The following KCNK12 variants were observed in gnomAD, a reference collection of about 807,000 sequenced individuals.
The protein encoded by KCNK12 is potassium two pore domain channel subfamily K member 12.
In KCNK12, 6 loss-of-function variants were observed where a neutral mutation model predicts 25.3. The ratio of observed to expected loss-of-function variants is 0.24; its 90% CI spans 0.13 to 0.47. The LOEUF is 0.47. Among genes scored for constraint, KCNK12 ranks in the 20% least tolerant of loss-of-function variants. KCNK12 has a pLI of 0.99. For synonymous variants in KCNK12, 331 were observed against 311.1 expected, an observed-to-expected ratio of 1.06 and a Z score of -0.67; for missense variants, 444 against 661.7, an observed-to-expected ratio of 0.67 and a Z score of 3.61.
rs1188029145 is a variant in KCNK12 at position 47,556,334 on chromosome 2, T to C, written c.391+13607A>G. On this transcript the variant is annotated intron_variant, in intron 1 of 1. Coordinates refer to ENST00000327876, the MANE Select transcript of KCNK12 (RefSeq NM_022055.2). The surrounding 1 kb of genome is among the most constrained non-coding windows in gnomAD (Gnocchi z 4.8). ...CCACAGGAGAGAAAGCAGCTCCACA[T>C]GGTGGGTGGATTTAGGGGTGTGAAG... Among the ~76,000 whole-genome samples the C allele has an allele frequency of 6.6e-6, 1 of 152,126 alleles. No homozygotes were observed. Among genetic ancestry groups the C allele is most frequent in the East Asian group, 1.9e-4 (1 of 5,198 alleles).
rs572985615 is a variant in KCNK12 at position 47,556,524 on chromosome 2, T to G, written c.391+13417A>C. 1.0e-3 allele frequency among the ~76,000 whole-genome samples: 156 copies of G among 152,232 alleles called. No homozygotes were observed. In the Middle Eastern group the frequency reaches 0.02, roughly 20 times the overall value. Reference sequence around the variant, plus strand: ...GTGCTGCCAGTGTGGAGTGTCCAGCTGGTACTCAGGGTCACCAATTTAAAG... The same window carrying G: ...GTGCTGCCAGTGTGGAGTGTCCAGCGGGTACTCAGGGTCACCAATTTAAAG... On this transcript the variant is annotated intron_variant, in intron 1 of 1. Transcript: ENST00000327876. This position sits in a 1 kb window ranked among gnomAD's most constrained non-coding sequence, Gnocchi z 4.8.
chr2:47,521,334 C>T lies in KCNK12; in HGVS notation c.866G>A (p.Cys289Tyr), dbSNP rs745537617. Residue 289 changes from cysteine (C) to tyrosine (Y), a missense_variant, in exon 2 of 2, where the codon TGC (cysteine) becomes TAC (tyrosine). Transcript: ENST00000327876. ...GNFLFILLGV[C>Y]CIYSLFNVIS... The stretch of plus-strand genomic sequence containing the variant: ...GACGTTGAAGAGCGAGTAAATGCAG[C>T]ACACGCCGAGCAGGATGAAGAGGAA... 6.2e-7 allele frequency: 1 copy of T among 1,613,676 alleles called. No individual in the cohort carries two copies. Among genetic ancestry groups the T allele is most frequent in the South Asian group, 1.1e-5 (1 of 90,950 alleles).
At chr2:47,553,413 G>A (rs1669481465) in intron 1 of KCNK12, among the ~76,000 whole-genome samples, 1 of 152,028 alleles carries the variant, frequency 6.6e-6, no homozygotes, top group Non-Finnish European at 1.5e-5. Context: ...TTTTGGTGGG[G>A]TGGGGGGGCA....
chr2:47,549,755 G>A lies in KCNK12; in HGVS notation c.391+20186C>T, dbSNP rs189027420. ...TCGAGACCAGCCTGGCCAAAATGGT[G>A]AAACCCCGTCTCTACTAAAAATACA... On this transcript the variant is annotated intron_variant, in intron 1 of 1. Transcript: ENST00000327876. Among the ~76,000 whole-genome samples the A allele has an allele frequency of 5.4e-3, 825 of 152,226 alleles. 7 individuals carry two copies. Among genetic ancestry groups the A allele is most frequent in the African/African-American group, 0.019 (779 of 41,536 alleles).
Position 47,540,403 on chromosome 2 carries a change from G to A in KCNK12, c.392-18595C>T, listed in dbSNP as rs987115515. Among the ~76,000 whole-genome samples, 5 of 152,114 alleles carry A rather than the reference G, an allele frequency of 3.3e-5. No homozygotes were observed. The highest frequency in any genetic ancestry group is 6.5e-5 in the Admixed American group (1 of 15,280). On this transcript the variant is annotated intron_variant, in intron 1 of 1. Coordinates refer to ENST00000327876, the MANE Select transcript of KCNK12 (RefSeq NM_022055.2). The surrounding 1 kb of genome is among the most constrained non-coding windows in gnomAD (Gnocchi z 5.4). ...CTGCTCAGGGTTTGAATGAGACCCC[G>A]GTAACCGCAGCAGTAAAGACCCCTC... is the stretch of plus-strand genomic sequence containing the variant.
At position 47,533,244 on chromosome 2, in the gene KCNK12, C is replaced by T. The variant is rs1268161675; in HGVS notation, c.392-11436G>A. ...CAGGCTGGTCTCCAACTCCTGACCT[C>T]AGGTGATCTGCCCACCTTGGCCTCC... On this transcript the variant is annotated intron_variant, in intron 1 of 1. Coordinates refer to ENST00000327876, the MANE Select transcript of KCNK12 (RefSeq NM_022055.2). This position sits in a 1 kb window ranked among gnomAD's most constrained non-coding sequence, Gnocchi z 4.7. Among the ~76,000 whole-genome samples the T allele has an allele frequency of 7.2e-6, 1 of 139,330 alleles. No individual in the cohort carries two copies. The highest frequency in any genetic ancestry group is 1.5e-5 in the Non-Finnish European group (1 of 64,788). 91.4% of individuals were successfully genotyped at this position (139,330 alleles called of 152,430 possible).
At chr2:47,532,241 C>G (rs1261394455) in intron 1 of KCNK12, among the ~76,000 whole-genome samples, 1 of 151,760 alleles carries the variant, frequency 6.6e-6, no homozygotes, top group Non-Finnish European at 1.5e-5. Context: ...AAAAAAAAAC[C>G]CTGGGGAGCA....
At position 47,512,214 on chromosome 2, in the gene KCNK12, G is replaced by C. The variant is rs1668419033; in HGVS notation, c.*8693C>G. ...TGAACAAACTGTCTAAGCTGGGTCA[G>C]GTACTCTGCAGATGTTTGCTGAGTA... is the stretch of plus-strand genomic sequence containing the variant. On this transcript the variant is annotated 3_prime_UTR_variant, in exon 2 of 2. Transcript: ENST00000327876. 1 of 1,491,836 alleles carries C rather than the reference G, an allele frequency of 6.7e-7. No individual in the cohort carries two copies. The highest frequency in any genetic ancestry group is 1.3e-5 in the South Asian group (1 of 78,928). The allele number at this position is 1,491,836 out of a possible 1,614,324, so 92.4% of individuals were successfully genotyped here.
Position 47,538,833 on chromosome 2 carries a change from C to T in KCNK12, c.392-17025G>A, listed in dbSNP as rs1286065824. ...GGCAAAGTTTAGGTGATATAAATGTCCCTGAAATGAGAAAAACCATGACTT... is the reference window on the plus strand; with the variant it reads ...GGCAAAGTTTAGGTGATATAAATGTTCCTGAAATGAGAAAAACCATGACTT... On this transcript the variant is annotated intron_variant, in intron 1 of 1. Coordinates refer to ENST00000327876, the MANE Select transcript of KCNK12 (RefSeq NM_022055.2). This position sits in a 1 kb window ranked among gnomAD's most constrained non-coding sequence, Gnocchi z 4.5. 6.6e-6 allele frequency among the ~76,000 whole-genome samples: 1 copy of T among 152,058 alleles called. No individual in the cohort carries two copies. Among genetic ancestry groups the T allele is most frequent in the Non-Finnish European group, 1.5e-5 (1 of 68,006 alleles).
At chr2:47,544,531 C>T (rs1348130748) in intron 1 of KCNK12, among the ~76,000 whole-genome samples, 1 of 152,252 alleles carries the variant, frequency 6.6e-6, no homozygotes, top group Non-Finnish European at 1.5e-5. Flanking sequence ...TCTTGTCTAA[C>T]TCATAGATTG....
intron 1 of KCNK12, among the ~76,000 whole-genome samples, chr2:47,549,476 A>G (rs1277036750): frequency 6.6e-6 from 1 of 152,198 alleles, no homozygotes; most frequent in Non-Finnish European, 1.5e-5. Flanking sequence ...ATAAGAGAAA[A>G]ATAGTCAATA....
Position 47,525,743 on chromosome 2 carries a change from G to A in KCNK12, c.392-3935C>T, listed in dbSNP as rs541680353. On this transcript the variant is annotated intron_variant, in intron 1 of 1. Transcript: ENST00000327876. This position sits in a 1 kb window ranked among gnomAD's most constrained non-coding sequence, Gnocchi z 4.1. ...GGGCAGAGGGCTGGGGACAGCATGAGAGGGAGTCACAGGAGGAGGGATGGA... is the reference window on the plus strand; with the variant it reads ...GGGCAGAGGGCTGGGGACAGCATGAAAGGGAGTCACAGGAGGAGGGATGGA... 6.6e-6 allele frequency among the ~76,000 whole-genome samples: 1 copy of A among 152,330 alleles called. No homozygotes were observed. Among genetic ancestry groups the A allele is most frequent in the East Asian group, 1.9e-4 (1 of 5,174 alleles).
At position 47,557,051 on chromosome 2, in the gene KCNK12, C is replaced by G. The variant is rs1429902022; in HGVS notation, c.391+12890G>C. Among the ~76,000 whole-genome samples the G allele has an allele frequency of 1.3e-5, 2 of 152,224 alleles. No homozygotes were observed. Among genetic ancestry groups the G allele is most frequent in the East Asian group, 3.8e-4 (2 of 5,202 alleles). On this transcript the variant is annotated intron_variant, in intron 1 of 1. Coordinates refer to ENST00000327876, the MANE Select transcript of KCNK12 (RefSeq NM_022055.2). This position sits in a 1 kb window ranked among gnomAD's most constrained non-coding sequence, Gnocchi z 4.9. ...GAGGCTGGAGAAGGCTGGAGAGGAA[C>G]TCAGTGAGGCAGACTTCAGTGAATG...
intron 1 of KCNK12, among the ~76,000 whole-genome samples, chr2:47,542,684 C>A (rs1408546711): frequency 1.3e-5 from 2 of 152,106 alleles, no homozygotes; most frequent in East Asian, 3.9e-4. Context: ...CACACTGTGA[C>A]CCTTAAGGTC....
At chr2:47,549,152 A>G (rs1669372602) in intron 1 of KCNK12, among the ~76,000 whole-genome samples, 1 of 152,234 alleles carries the variant, frequency 6.6e-6, no homozygotes, top group African/African-American at 2.4e-5. Context: ...GAATCACCTG[A>G]GTTCCTATCA....
In KCNK12 at chr2:47,570,543, C is replaced by T. The variant is rs1669871446; in HGVS notation, c.-212G>A. 5.2e-6 allele frequency: 2 copies of T among 382,742 alleles called. No individual in the cohort carries two copies. The highest frequency in any genetic ancestry group is 5.0e-5 in the Admixed American group (1 of 20,076). The allele number at this position is 382,742 out of a possible 1,614,324, so 23.7% of individuals were successfully genotyped here. A position where few individuals can be genotyped will look rare whatever the true frequency, so the allele number is the denominator to read the frequency against. ...CCGGCGCTCAGGCCACACGCGAGTC[C>T]CGTGGCCCAGCGGGTGCCCGGGCAG... On this transcript the variant is annotated 5_prime_UTR_variant, in exon 1 of 2. Coordinates refer to ENST00000327876, the MANE Select transcript of KCNK12 (RefSeq NM_022055.2).
Position 47,520,893 on chromosome 2 carries a change from G to A in KCNK12, c.*14C>T. ...CGGCCTGGAGAGGGTCCCCGGCGCG[G>A]GCGGACGGGCGGTCTACCTGGAGGC... is the stretch of plus-strand genomic sequence containing the variant. On this transcript the variant is annotated 3_prime_UTR_variant, in exon 2 of 2. Coordinates refer to ENST00000327876, the MANE Select transcript of KCNK12 (RefSeq NM_022055.2). The surrounding 1 kb of genome is among the most constrained non-coding windows in gnomAD (Gnocchi z 5.0). The A allele has an allele frequency of 8.1e-7, 1 of 1,241,042 alleles. No homozygotes were observed. The highest frequency in any genetic ancestry group is 4.2e-5 in the Admixed American group (1 of 23,954). The allele number at this position is 1,241,042 out of a possible 1,614,324, so 76.9% of individuals were successfully genotyped here. A position where few individuals can be genotyped will look rare whatever the true frequency, so the allele number is the denominator to read the frequency against.
chr2:47,544,988 T>G (rs1443984868), intron 1 of KCNK12, among the ~76,000 whole-genome samples: 1 of 152,210 alleles, frequency 6.6e-6, no homozygotes, highest in Non-Finnish European at 1.5e-5. Flanking sequence ...TTTTTGAGCT[T>G]CTCTCTTTTT....
At chr2:47,550,916 T>A (rs905349014) in intron 1 of KCNK12, among the ~76,000 whole-genome samples, 4 of 152,050 alleles carry the variant, frequency 2.6e-5, no homozygotes, top group African/African-American at 9.7e-5. Flanking sequence ...CTTCTATATT[T>A]CCCCCGTACA....
Sources: allele counts gnomAD v4.1 joint callset (sites outside exome capture counted in the v4.1 genomes callset), GRCh38; gene constraint gnomAD v4.1.1; non-coding constraint Gnocchi (gnomAD v3.1); transcripts MANE v1.5; gene names NCBI Gene and HGNC (gene_info 2026-07-23, HGNC 2026-07-21).